NTM: variants seen among roughly 807,000 people sequenced by gnomAD.
NTM encodes the protein IgLON family member 2.
NTM carries 13 observed loss-of-function variants against 42.1 expected under a neutral mutation model. The observed-to-expected ratio is 0.31, with a 90% CI of 0.20 to 0.49. The LOEUF (loss-of-function observed/expected upper bound fraction) is 0.49. Ranked by LOEUF, NTM falls within the 20% of genes least tolerant of loss-of-function variation. The probability of loss-of-function intolerance (pLI) is 0.99; values close to 1 mark genes in which losing one functional copy is unlikely to be tolerated. For missense variants in NTM, 373 were observed against 452.8 expected (o/e 0.82, Z 1.60); for synonymous variants, 187 against 179.2 (o/e 1.04, Z -0.35).
chr11:131,730,903 G>A (rs1022534701), intron 1 of NTM, among the ~76,000 whole-genome samples: 1 of 152,124 alleles, frequency 6.6e-6, no homozygotes, highest in African/African-American at 2.4e-5. Flanking sequence ...GTCATTGCCA[G>A]CTCCAGGAGC....
At chr11:131,676,905 G>A (rs1462533463) in intron 1 of NTM, among the ~76,000 whole-genome samples, 1 of 152,196 alleles carries the variant, frequency 6.6e-6, no homozygotes, top group Non-Finnish European at 1.5e-5. Context: ...CCTCACGACG[G>A]ACCTGTCCAC....
At chr11:131,701,811 G>T (rs905331879) in intron 1 of NTM, among the ~76,000 whole-genome samples, 4 of 152,164 alleles carry the variant, frequency 2.6e-5, no homozygotes, top group African/African-American at 9.7e-5. Context: ...GAAAGCCAAG[G>T]GAGGGGTGGA....
At chr11:131,734,894 C>G (rs1040676018) in intron 1 of NTM, among the ~76,000 whole-genome samples, 1 of 152,088 alleles carries the variant, frequency 6.6e-6, no homozygotes, top group South Asian at 2.1e-4. Context: ...ATTAAAATAA[C>G]ACCAAGAACA....
intron 1 of NTM, among the ~76,000 whole-genome samples, chr11:131,609,974 G>C (rs2061339029): frequency 6.6e-6 from 1 of 152,160 alleles, no homozygotes; most frequent in African/African-American, 2.4e-5. Context: ...TGTAACAGGA[G>C]AAACACATTT....
At chr11:131,797,940 G>A (rs2091751297) in intron 1 of NTM, among the ~76,000 whole-genome samples, 1 of 151,872 alleles carries the variant, frequency 6.6e-6, no homozygotes, top group African/African-American at 2.4e-5. Flanking sequence ...CATTCAACTC[G>A]GTTTTGTTTG....
At chr11:132,238,247 C>T (rs143727973) in intron 4 of NTM, among the ~76,000 whole-genome samples, 39 of 152,092 alleles carry the variant, frequency 2.6e-4, no homozygotes, top group Middle Eastern at 3.4e-3. Flanking sequence ...TACAGGTGAG[C>T]GAGCCCCGCC....
chr11:131,587,528 A>G (rs771843405), intron 1 of NTM, among the ~76,000 whole-genome samples: 2 of 152,202 alleles, frequency 1.3e-5, no homozygotes, highest in Non-Finnish European at 2.9e-5. Flanking sequence ...GACAAATTCA[A>G]ATTATTAAAT....
intron 3 of NTM, among the ~76,000 whole-genome samples, chr11:132,184,460 T>A (rs1382484047): frequency 4.6e-5 from 7 of 152,148 alleles, no homozygotes; most frequent in African/African-American, 1.7e-4. Context: ...TACTGACTAC[T>A]GTATAAATGG....
chr11:131,971,679 G>A (rs1350094522), intron 2 of NTM, among the ~76,000 whole-genome samples: 14 of 151,610 alleles, frequency 9.2e-5, no homozygotes, highest in African/African-American at 2.9e-4. Context: ...CTATCTATAT[G>A]TAAAACTGAT....
At chr11:132,312,447 T>C (rs2095307684) in intron 6 of NTM, 1 of 152,478 alleles carries the variant, frequency 6.6e-6, no homozygotes, top group Non-Finnish European at 1.5e-5. Flanking sequence ...ACAGGGGCAT[T>C]GACCAATGAA....
intron 1 of NTM, among the ~76,000 whole-genome samples, chr11:131,764,572 AATTAC>A (rs2084803922): frequency 6.6e-6 from 1 of 152,184 alleles, no homozygotes; most frequent in Non-Finnish European, 1.5e-5. Flanking sequence ...ACCTTGAGCA[AATTAC>A]CTAACCTCTG....
chr11:131,751,589 C>CAA (rs34297944), intron 1 of NTM, among the ~76,000 whole-genome samples: 3 of 116,104 alleles, frequency 2.6e-5, no homozygotes, highest in East Asian at 2.5e-4. Flanking sequence ...GACTCCGTCT[C>CAA]AAAAAAAAAA....
chr11:131,927,184 A>C (rs2058058149), intron 2 of NTM, among the ~76,000 whole-genome samples: 1 of 152,164 alleles, frequency 6.6e-6, no homozygotes, highest in South Asian at 2.1e-4. Context: ...CTTTTTAAAA[A>C]ATTTCTTGGA....
chr11:131,632,248 GT>G (rs2063728908), intron 1 of NTM, among the ~76,000 whole-genome samples: 2 of 152,074 alleles, frequency 1.3e-5, no homozygotes, highest in Admixed American at 1.3e-4. Context: ...GTCATGTTGT[GT>G]TGTTTTTCTC....
At chr11:131,860,595 G>A (rs919478327) in intron 1 of NTM, among the ~76,000 whole-genome samples, 1 of 152,176 alleles carries the variant, frequency 6.6e-6, no homozygotes, top group African/African-American at 2.4e-5. Context: ...CACATTGCTT[G>A]CACGGATAAT....
At chr11:131,610,651 C>A (rs987591860) in intron 1 of NTM, among the ~76,000 whole-genome samples, 1 of 152,070 alleles carries the variant, frequency 6.6e-6, no homozygotes. Flanking sequence ...AGCTCCAGCC[C>A]CTGAGAAGTG....
chr11:131,775,108 C>T (rs906033640), intron 1 of NTM, among the ~76,000 whole-genome samples: 9 of 152,184 alleles, frequency 5.9e-5, no homozygotes, highest in African/African-American at 2.2e-4. Flanking sequence ...GCACAGGGCT[C>T]CTCCAGGGGA....
intron 2 of NTM, among the ~76,000 whole-genome samples, chr11:132,009,863 A>T (rs972169922): frequency 6.6e-6 from 1 of 152,220 alleles, no homozygotes; most frequent in Admixed American, 6.5e-5. Context: ...GAACAGAAGG[A>T]TGGAGAAGAG....
At chr11:131,867,574 C>CTGTGTGTATGTGTG (rs2047354110) in intron 1 of NTM, among the ~76,000 whole-genome samples, 1 of 151,022 alleles carries the variant, frequency 6.6e-6, no homozygotes, top group Non-Finnish European at 1.5e-5. Flanking sequence ...GTGTGTCTGC[C>CTGTGTGTATGTGTG]TGTGTGTATG....
Sources: gnomAD v4.1 joint callset for allele counts (sites outside exome capture counted in the v4.1 genomes callset) on GRCh38, gnomAD v4.1.1 for gene constraint, MANE v1.5 for transcripts, NCBI Gene and HGNC (gene_info 2026-07-23, HGNC 2026-07-21) for gene names.